Variants in USP44 observed in about 807,000 individuals in gnomAD.
USP44 encodes ubiquitin specific peptidase 44.
USP44 carries 61 observed loss-of-function variants against 69.0 expected under a neutral mutation model. The ratio of observed to expected loss-of-function variants is 0.88; its 90% CI spans 0.72 to 1.09. The LOEUF is 1.09. Ranked by LOEUF, USP44 falls within the 50% of genes least tolerant of loss-of-function variation. The pLI, the probability that USP44 is intolerant of heterozygous loss-of-function variation, is 0.00. For synonymous variants in USP44, 297 were observed against 295.4 expected, an observed-to-expected ratio of 1.01 and a Z score of -0.06; for missense variants, 753 against 849.9, an observed-to-expected ratio of 0.89 and a Z score of 1.42.
At chr12:95,518,865 G>A (rs2076558917) in intron 5 of USP44, among the ~76,000 whole-genome samples, 1 of 152,066 alleles carries the variant, frequency 6.6e-6, no homozygotes, top group Non-Finnish European at 1.5e-5. Context: ...CTTGAACCTG[G>A]GAGGCAGAGG....
chr12:95,540,742 A>AAT, intron 1 of USP44, among the ~76,000 whole-genome samples: 1 of 152,106 alleles, frequency 6.6e-6, no homozygotes, highest in East Asian at 1.9e-4. Context: ...GGATTTTATT[A>AAT]TATTGTTCCT....
chr12:95,544,048 CTTTTTTT>C (rs1191045599), intron 1 of USP44, among the ~76,000 whole-genome samples: 23 of 97,250 alleles, frequency 2.4e-4, no homozygotes, highest in East Asian at 1.2e-3. Flanking sequence ...TTTTAGTTAT[CTTTTTTT>C]TTTTTTTTTT....
chr12:95,533,382 C>T lies in USP44; in HGVS notation c.875G>A (p.Ser292Asn). The T allele has an allele frequency of 1.2e-6, 2 of 1,613,422 alleles. No individual in the cohort carries two copies. Among genetic ancestry groups the T allele is most frequent in the Non-Finnish European group, 1.7e-6 (2 of 1,179,564 alleles). ...CYMNSVLQVL[S>N]HLLIFRQCFL... ...ACATTGTCGAAAAATAAGTAAATGA[C>T]TCAACACCTGAAGAACAGAATTCAT... The change falls in exon 2 of 6, where the codon AGT (serine) becomes AAT (asparagine). Residue 292 changes from serine to asparagine, a missense_variant. Physicochemically the swap from Ser to Asn is conservative, Grantham distance 46 (BLOSUM62 1). Coordinates refer to ENST00000258499, the MANE Select transcript of USP44 (RefSeq NM_032147.5).
At position 95,550,851 on chromosome 12, in the gene USP44, A is replaced by G. The variant is rs576980205; in HGVS notation, c.-71+421T>C. On this transcript the variant is annotated intron_variant, in intron 1 of 5. Coordinates refer to ENST00000258499, the MANE Select transcript of USP44 (RefSeq NM_032147.5). ...GAGAGTGCTGAATAGTGTCTTCAAT[A>G]AAATGCCTTAATACAATGATGTAAG... Among the ~76,000 whole-genome samples the G allele has an allele frequency of 6.0e-4, 92 of 152,322 alleles. No homozygotes were observed. In the South Asian group the frequency reaches 0.011, roughly 19 times the overall value.
chr12:95,536,084 CT>C (rs200124613), intron 1 of USP44, among the ~76,000 whole-genome samples: 1,808 of 137,602 alleles, frequency 0.013, 46 homozygotes, highest in African/African-American at 0.048. Flanking sequence ...GTTCTGTCAC[CT>C]AAGCTGGACT....
rs187855313 is a variant in USP44, at chr12:95,518,895, C to T, written c.1940-542G>A. ...CAGAGGTTGCAGTGAGCAAGGATGG[C>T]GCAGCTTGCCCTCAAGCCTGGGTGA... On this transcript the variant is annotated intron_variant, in intron 5 of 5. Transcript: ENST00000258499. 2.2e-3 allele frequency among the ~76,000 whole-genome samples: 341 copies of T among 151,776 alleles called. 1 individual carries two copies. The highest frequency in any genetic ancestry group is 3.9e-3 in the Non-Finnish European group (267 of 67,954).
In USP44 at chr12:95,534,045, T is replaced by C. The variant is rs756610470; in HGVS notation, c.212A>G (p.Glu71Gly). ...ACAAAAAACGTACATCTCATTCACCTCCAATGCAACAGGATGACTGCTTTC... is the reference window on the plus strand; with the variant it reads ...ACAAAAAACGTACATCTCATTCACCCCCAATGCAACAGGATGACTGCTTTC... ...FQESSHPVAL[E>G]VNEMYVFCYL... Residue 71 changes from glutamate to glycine, a missense_variant, in exon 2 of 6, where the codon GAG (glutamate) becomes GGG (glycine). By Grantham distance (98) the Glu-to-Gly change is moderately conservative. Coordinates refer to ENST00000258499, the MANE Select transcript of USP44 (RefSeq NM_032147.5). 2.2e-5 allele frequency: 35 copies of C among 1,614,052 alleles called. No individual in the cohort carries two copies. In the Admixed American group the frequency reaches 2.7e-4, roughly 12 times the overall value.
intron 3 of USP44, among the ~76,000 whole-genome samples, chr12:95,526,384 A>G (rs1338377373): frequency 6.6e-6 from 1 of 152,198 alleles, no homozygotes; most frequent in Non-Finnish European, 1.5e-5. Flanking sequence ...CATCCTGGCT[A>G]ACACGGTGAA....
At chr12:95,545,830 C>G (rs1239236747) in intron 1 of USP44, among the ~76,000 whole-genome samples, 1 of 152,218 alleles carries the variant, frequency 6.6e-6, no homozygotes, top group Non-Finnish European at 1.5e-5. Context: ...CCATGTCAAT[C>G]ATGATGTATT....
chr12:95,523,881 C>CT (rs950874729), intron 4 of USP44, among the ~76,000 whole-genome samples: 72 of 148,260 alleles, frequency 4.9e-4, no homozygotes, highest in African/African-American at 1.3e-3. Context: ...CAACATTTTT[C>CT]TTTTTTTTTT....
At chr12:95,528,728 A>G in intron 3 of USP44, 79 bp downstream of exon 3, 1 of 1,423,934 alleles carries the variant, frequency 7.0e-7, no homozygotes, top group Middle Eastern at 2.6e-4. Flanking sequence ...ACTGCTAAAG[A>G]TTTCTTTCAG....
intron 1 of USP44, among the ~76,000 whole-genome samples, chr12:95,537,532 T>C (rs1359852416): frequency 6.6e-6 from 1 of 152,112 alleles, no homozygotes; most frequent in East Asian, 1.9e-4. Context: ...TTGGCCAGGC[T>C]AGTCTTGAGC....
chr12:95,524,509 CAAAT>C, intron 4 of USP44, 167 bp downstream of exon 4: 1 of 497,786 alleles, frequency 2.0e-6, no homozygotes, highest in East Asian at 3.7e-5. Flanking sequence ...AATAAATAAA[CAAAT>C]AAGCAAATGT....
At chr12:95,532,469 T>C (rs935482979) in intron 2 of USP44, among the ~76,000 whole-genome samples, 2 of 151,900 alleles carry the variant, frequency 1.3e-5, no homozygotes, top group African/African-American at 2.4e-5. Context: ...CGCCCGGCCA[T>C]GTGCACCATT....
intron 1 of USP44, among the ~76,000 whole-genome samples, chr12:95,538,082 A>G (rs2077264276): frequency 6.6e-6 from 1 of 152,222 alleles, no homozygotes; most frequent in African/African-American, 2.4e-5. Flanking sequence ...AAATTGTGAA[A>G]AGGGTGAAAT....
chr12:95,523,881 CTTT>C lies in USP44; in HGVS notation c.1733+796_1733+798del, dbSNP rs950874729. On this transcript the variant is annotated intron_variant, in intron 4 of 5. Transcript: ENST00000258499. ...TCACACCTGTCATCTCAACATTTTT[CTTT>C]TTTTTTTCTTGAGACAGAGTCTCGC... Among the ~76,000 whole-genome samples, 3 of 148,292 alleles carry C rather than the reference CTTT, an allele frequency of 2.0e-5. No homozygotes were observed. The East Asian group carries it at 5.9e-4, about 29-fold the overall frequency.
chr12:95,520,384 TG>T (rs35705880), intron 5 of USP44, among the ~76,000 whole-genome samples: 35,551 of 151,698 alleles, frequency 0.23, 4,787 homozygotes, highest in East Asian at 0.48. Flanking sequence ...CCCAACTACT[TG>T]GGAGGCTGAG....
At chr12:95,520,389 G>A (rs1484223423) in intron 5 of USP44, among the ~76,000 whole-genome samples, 1 of 151,962 alleles carries the variant, frequency 6.6e-6, no homozygotes, top group African/African-American at 2.4e-5. Flanking sequence ...CTACTTGGGA[G>A]GCTGAGGCAG....
chr12:95,529,609 C>T (rs765477314), intron 2 of USP44, among the ~76,000 whole-genome samples: 1 of 152,006 alleles, frequency 6.6e-6, no homozygotes, highest in Non-Finnish European at 1.5e-5. Flanking sequence ...TTTTAGTAAA[C>T]GGGCTTTCGC....
Sources: allele counts gnomAD v4.1 joint callset (sites outside exome capture counted in the v4.1 genomes callset), GRCh38; gene constraint gnomAD v4.1.1; transcripts MANE v1.5; gene names NCBI Gene and HGNC (gene_info 2026-07-23, HGNC 2026-07-21).